The following CADM2 variants were observed in gnomAD, a reference collection of about 807,000 sequenced individuals.
CADM2 encodes the protein immunoglobulin superfamily member 4D.
In CADM2, 12 loss-of-function variants were observed where a neutral mutation model predicts 49.8. The ratio of observed to expected loss-of-function variants is 0.24; its 90% CI spans 0.15 to 0.39. The LOEUF (loss-of-function observed/expected upper bound fraction) is 0.39. Ranked by LOEUF, CADM2 falls within the 10% of genes least tolerant of loss-of-function variation. CADM2 has a pLI of 1.00. For synonymous variants in CADM2, 214 were observed against 175.4 expected (o/e 1.22, Z -1.74); for missense variants, 378 against 492.3 (o/e 0.77, Z 2.20).
intron 1 of CADM2, among the ~76,000 whole-genome samples, chr3:85,687,878 G>A (rs868243855): frequency 4.6e-5 from 7 of 152,184 alleles, no homozygotes; most frequent in African/African-American, 1.7e-4. Context: ...GTGAGCGGGC[G>A]AGCGAGCATT....
intron 1 of CADM2, among the ~76,000 whole-genome samples, chr3:85,464,358 A>G (rs2038393649): frequency 6.6e-6 from 1 of 152,298 alleles, no homozygotes; most frequent in South Asian, 2.1e-4. Context: ...TTTAATGAAA[A>G]GTACAAAAAG....
intron 1 of CADM2, among the ~76,000 whole-genome samples, chr3:85,026,516 T>A (rs184951251): frequency 2.0e-5 from 3 of 152,302 alleles, no homozygotes; most frequent in African/African-American, 7.2e-5. Context: ...TTAAGATTAA[T>A]CCTCCTTGTA....
chr3:85,672,436 C>T (rs1484133004), intron 1 of CADM2, among the ~76,000 whole-genome samples: 2 of 152,032 alleles, frequency 1.3e-5, no homozygotes, highest in Non-Finnish European at 2.9e-5. Flanking sequence ...TTGTGATCCG[C>T]TCGCCTTGGC....
chr3:85,996,095 A>T (rs988921909), intron 8 of CADM2, among the ~76,000 whole-genome samples: 62 of 150,556 alleles, frequency 4.1e-4, no homozygotes, highest in African/African-American at 5.3e-4. Flanking sequence ...GCCTAAAAAA[A>T]AAAAATAAAA....
At chr3:85,225,427 C>A (rs2042136577) in intron 1 of CADM2, among the ~76,000 whole-genome samples, 1 of 152,122 alleles carries the variant, frequency 6.6e-6, no homozygotes, top group Non-Finnish European at 1.5e-5. Context: ...TATAGGAATG[C>A]TTCTGATTTT....
At position 86,020,030 on chromosome 3, in the gene CADM2, CA is replaced by C. The variant is rs1445312713; in HGVS notation, c.971-45569del. 6.6e-5 allele frequency among the ~76,000 whole-genome samples: 10 copies of C among 151,952 alleles called. No individual in the cohort carries two copies. In the South Asian group the frequency reaches 1.0e-3, roughly 16 times the overall value. The stretch of plus-strand genomic sequence containing the variant: ...GGAAATAGAGACACAAAAAACCCTT[CA>C]AAAAATTAATCCAGGAGCTGGTTTT... On this transcript the variant is annotated intron_variant, in intron 8 of 9. Transcript: ENST00000383699.
intron 3 of CADM2, among the ~76,000 whole-genome samples, chr3:85,815,016 G>T (rs2108149019): frequency 6.6e-6 from 1 of 152,056 alleles, no homozygotes; most frequent in Non-Finnish European, 1.5e-5. Flanking sequence ...TAAATTCCTG[G>T]ACACATACAC....
At chr3:85,776,164 G>A (rs73845655) in intron 2 of CADM2, among the ~76,000 whole-genome samples, 7,727 of 151,768 alleles carry the variant, frequency 0.051, 557 homozygotes, top group African/African-American at 0.16. Context: ...TTAATAAAAT[G>A]TTGAAAACAG....
chr3:85,970,478 T>C (rs74678246), intron 8 of CADM2, among the ~76,000 whole-genome samples: 6,174 of 151,570 alleles, frequency 0.041, 417 homozygotes, highest in African/African-American at 0.14. Flanking sequence ...ACCTATTCAT[T>C]AATATGCATG....
intron 1 of CADM2, among the ~76,000 whole-genome samples, chr3:85,719,394 C>G (rs535084733): frequency 6.6e-6 from 1 of 152,100 alleles, no homozygotes; most frequent in Non-Finnish European, 1.5e-5. Context: ...GTCAAAAATT[C>G]AAGGAAAACT....
At chr3:85,993,193 C>T (rs1361186579) in intron 8 of CADM2, 1 of 152,026 alleles carries the variant, frequency 6.6e-6, no homozygotes, top group Non-Finnish European at 1.5e-5. Flanking sequence ...TCAAAACAAA[C>T]AAAAAATAAA....
intron 1 of CADM2, among the ~76,000 whole-genome samples, chr3:84,967,969 T>G (rs2031133796): frequency 6.6e-6 from 1 of 152,054 alleles, no homozygotes; most frequent in Admixed American, 6.6e-5. Flanking sequence ...CTGCCTAAAT[T>G]AGCATATGCT....
At chr3:85,482,413 T>C (rs1016409704) in intron 1 of CADM2, among the ~76,000 whole-genome samples, 4 of 151,738 alleles carry the variant, frequency 2.6e-5, no homozygotes, top group Non-Finnish European at 4.4e-5. Context: ...ATTAAAGCCA[T>C]TTTTTAGTTT....
intron 3 of CADM2, among the ~76,000 whole-genome samples, chr3:85,809,591 T>C (rs948046570): frequency 1.7e-4 from 26 of 151,990 alleles, no homozygotes; most frequent in African/African-American, 6.0e-4. Flanking sequence ...AAAGGGAAAC[T>C]TGAGTTTTCT....
At chr3:85,969,330 C>G (rs1725828980) in intron 8 of CADM2, among the ~76,000 whole-genome samples, 1 of 151,410 alleles carries the variant, frequency 6.6e-6, no homozygotes, top group South Asian at 2.1e-4. Context: ...CTCTCTGGTC[C>G]TCTTTCAACT....
intron 1 of CADM2, among the ~76,000 whole-genome samples, chr3:85,570,965 T>C (rs2062459609): frequency 6.6e-6 from 1 of 152,174 alleles, no homozygotes; most frequent in African/African-American, 2.4e-5. Context: ...CATTTTATTA[T>C]AAGAATAACA....
chr3:85,105,045 A>G (rs2038158310), intron 1 of CADM2, among the ~76,000 whole-genome samples: 1 of 152,130 alleles, frequency 6.6e-6, no homozygotes, highest in African/African-American at 2.4e-5. Flanking sequence ...CTCTTTTCCT[A>G]GTTGAATAGC....
chr3:85,503,566 G>A (rs1310993350), intron 1 of CADM2, among the ~76,000 whole-genome samples: 1 of 152,112 alleles, frequency 6.6e-6, no homozygotes, highest in Non-Finnish European at 1.5e-5. Flanking sequence ...TCCTGAGTAG[G>A]TTGAGTATTT....
chr3:85,821,792 T>A (rs540587480), intron 3 of CADM2, among the ~76,000 whole-genome samples: 34 of 152,272 alleles, frequency 2.2e-4, no homozygotes, highest in African/African-American at 7.9e-4. Flanking sequence ...TTTTGTAATG[T>A]ACAATAAAAT....
Sources: allele counts gnomAD v4.1 joint callset (sites outside exome capture counted in the v4.1 genomes callset), GRCh38; gene constraint gnomAD v4.1.1; transcripts MANE v1.5; gene names NCBI Gene and HGNC (gene_info 2026-07-23, HGNC 2026-07-21).